STARD9: variants seen among roughly 807,000 people sequenced by gnomAD.
STARD9 encodes stAR-related lipid transfer protein 9.
Under a neutral mutation model 399.8 loss-of-function variants are expected in STARD9, and 346 were observed. That is an observed-to-expected ratio of 0.87 (90% CI 0.79 to 0.95). The LOEUF (loss-of-function observed/expected upper bound fraction) is 0.95, where lower values mean the gene tolerates loss of function less well. STARD9 is among the 40% of genes least tolerant of loss of function. The pLI, the probability that STARD9 is intolerant of heterozygous loss-of-function variation, is 0.00. For synonymous variants in STARD9, 2,203 were observed against 2,143.5 expected, an observed-to-expected ratio of 1.03 and a Z score of -0.77; for missense variants, 5,832 against 5,667.5, an observed-to-expected ratio of 1.03 and a Z score of -0.93.
rs1042208768 is a variant in STARD9 at position 42,676,061 on chromosome 15, G to A, written c.1874+86G>A. 2.2e-5 allele frequency: 19 copies of A among 883,408 alleles called. No homozygotes were observed. In the African/African-American group the frequency reaches 2.9e-4, roughly 13 times the overall value. 54.7% of individuals were successfully genotyped at this position (883,408 alleles called of 1,614,324 possible). ...AGCATGGATCAGGGTGGGGGTGGGGGGTGATTAATGTAGCAGCCAAGGTCT... is the reference window on the plus strand; with the variant it reads ...AGCATGGATCAGGGTGGGGGTGGGGAGTGATTAATGTAGCAGCCAAGGTCT... On this transcript the variant is annotated intron_variant, in intron 20 of 32. Coordinates refer to ENST00000290607, the MANE Select transcript of STARD9 (RefSeq NM_020759.3).
Position 42,693,750 on chromosome 15 carries a change from A to T in STARD9, c.12172A>T (p.Asn4058Tyr). 1 of 1,536,672 alleles carries T rather than the reference A, an allele frequency of 6.5e-7. No individual in the cohort carries two copies. Among genetic ancestry groups the T allele is most frequent in the Non-Finnish European group, 8.7e-7 (1 of 1,146,840 alleles). ...AAGTCAGTGGCAGAGCAGGACAGAA[A>T]ATGGAGGTGAGAGTTCAGCATCTCC... The part of the protein sequence containing the change: ...EPSQWQSRTE[N>Y]GGESSASPGE... Residue 4058 changes from asparagine (N) to tyrosine (Y), a missense_variant, in exon 23 of 33, where the codon AAT (asparagine) becomes TAT (tyrosine). This residue lies in a region of STARD9 where 5,828 missense variants were observed against 5,651.1 expected (regional missense o/e 1.03). Coordinates refer to ENST00000290607, the MANE Select transcript of STARD9 (RefSeq NM_020759.3).
chr15:42,588,841 C>T (rs12903416), intron 3 of STARD9, among the ~76,000 whole-genome samples: 72,490 of 120,580 alleles, frequency 0.6, 23,398 homozygotes, highest in East Asian at 0.76. Flanking sequence ...GGTGTGTGGA[C>T]AGAGTCTTAG....
chr15:42,679,733 A>C (rs546587046), intron 20 of STARD9, among the ~76,000 whole-genome samples: 4 of 152,320 alleles, frequency 2.6e-5, no homozygotes, highest in South Asian at 4.1e-4. Flanking sequence ...AGGGTGGTGC[A>C]AAAGCAGCCC....
rs1310564604 is a variant in STARD9, at chr15:42,685,274, A to G, written c.3696A>G (p.Thr1232=). The G allele has an allele frequency of 2.0e-6, 3 of 1,537,624 alleles. No homozygotes were observed. Among genetic ancestry groups the G allele is most frequent in the East Asian group, 2.4e-5 (1 of 40,926 alleles). Residue 1232 remains threonine (T), a synonymous_variant, in exon 23 of 33, where the codon ACA becomes ACG. Coordinates refer to ENST00000290607, the MANE Select transcript of STARD9 (RefSeq NM_020759.3). ...CTGGTTCAGCTGACGAGATACCCAC[A>G]GAGACTTTTTGGCACCTGGAGGACT... ...PFPGSADEIP[T]ETFWHLEDSS...
At chr15:42,579,643 C>A (rs1328936709) in intron 1 of STARD9, among the ~76,000 whole-genome samples, 1 of 152,084 alleles carries the variant, frequency 6.6e-6, no homozygotes, top group Non-Finnish European at 1.5e-5. Context: ...GGCAAGAAAA[C>A]TGGAAGAACA....
At chr15:42,649,862 CTTTTTTTT>C (rs765573235) in intron 7 of STARD9, among the ~76,000 whole-genome samples, 3 of 107,228 alleles carry the variant, frequency 2.8e-5, no homozygotes, top group Admixed American at 9.6e-5. Flanking sequence ...CGAGCCTGGC[CTTTTTTTT>C]TTTTTTTTTT....
At position 42,691,381 on chromosome 15, in the gene STARD9, A is replaced by G; in HGVS notation, c.9803A>G (p.Lys3268Arg). ...TCCAAGATTTTATCACAGGGCTTCA[A>G]AGACCCAGCCACTGTGTCCTTGAGG... ...PVSKILSQGF[K>R]DPATVSLRQN... is the part of the protein sequence containing the mutation. Residue 3268 changes from lysine to arginine, a missense_variant, in exon 23 of 33, where the codon AAA becomes AGA. Physicochemically the swap from Lys to Arg is conservative, Grantham distance 26. Transcript: ENST00000290607. 1 of 1,537,216 alleles carries G rather than the reference A, an allele frequency of 6.5e-7. No individual in the cohort carries two copies. Among genetic ancestry groups the G allele is most frequent in the African/African-American group, 1.4e-5 (1 of 73,144 alleles).
chr15:42,664,677 G>GT (rs917659078), intron 13 of STARD9, among the ~76,000 whole-genome samples: 16 of 152,064 alleles, frequency 1.1e-4, no homozygotes, highest in Non-Finnish European at 2.2e-4. Context: ...TTATGCCTGT[G>GT]TTTTTTTATG....
chr15:42,689,279 C>T lies in STARD9; in HGVS notation c.7701C>T (p.Asp2567=). 1 of 1,537,282 alleles carries T rather than the reference C, an allele frequency of 6.5e-7. No individual in the cohort carries two copies. The highest frequency in any genetic ancestry group is 8.7e-7 in the Non-Finnish European group (1 of 1,146,920). ...AGGCCCAGAGAAAGCAGCTTCATGA[C>T]TTTGTGGCCAGGGGCACAGTCCTTT... ...QAKAQRKQLH[D]FVARGTVLSY... The change falls in exon 23 of 33, where the codon GAC becomes GAT. Residue 2567 remains aspartate (D), a synonymous_variant. Transcript: ENST00000290607.
At chr15:42,674,514 C>G in intron 17 of STARD9, 23 bp downstream of exon 17, 2 of 1,534,490 alleles carry the variant, frequency 1.3e-6, no homozygotes, top group Non-Finnish European at 1.7e-6. Flanking sequence ...GTATATGAGT[C>G]CAGCATTTTG....
At chr15:42,620,026 T>C (rs1464662124) in intron 3 of STARD9, among the ~76,000 whole-genome samples, 1 of 152,190 alleles carries the variant, frequency 6.6e-6, no homozygotes, top group Non-Finnish European at 1.5e-5. Context: ...TAAGCTGGTT[T>C]CTCTTCATGA....
intron 8 of STARD9, 28 bp from the exon 9 acceptor site, chr15:42,652,492 T>C: frequency 6.5e-7 from 1 of 1,529,494 alleles, no homozygotes; most frequent in Non-Finnish European, 8.8e-7. Flanking sequence ...ACAATCCTCG[T>C]CCTAACAGTT....
intron 26 of STARD9, among the ~76,000 whole-genome samples, chr15:42,710,154 G>A (rs1230102193): frequency 1.3e-5 from 2 of 148,496 alleles, no homozygotes; most frequent in East Asian, 4.0e-4. Context: ...CGACCTCCCT[G>A]GGCGCCGGTG....
At chr15:42,669,101 G>A in intron 15 of STARD9, 57 bp from the exon 16 acceptor site, 4 of 1,404,800 alleles carry the variant, frequency 2.8e-6, no homozygotes, top group Non-Finnish European at 3.8e-6. Context: ...AATGACTTCT[G>A]ACCTTTAGTC....
intron 3 of STARD9, among the ~76,000 whole-genome samples, chr15:42,600,530 T>C (rs9652418): frequency 0.013 from 1,976 of 146,380 alleles, 48 homozygotes; most frequent in African/African-American, 0.046. Flanking sequence ...TTCTTTCTTT[T>C]TTTTTTTTTT....
intron 8 of STARD9, 38 bp downstream of exon 8, chr15:42,651,123 C>T: frequency 6.5e-6 from 9 of 1,392,428 alleles, no homozygotes; most frequent in Non-Finnish European, 8.8e-6. Context: ...CTTTTATCCT[C>T]ACACTCCTAT....
chr15:42,637,275 C>G (rs1252045930), intron 4 of STARD9, among the ~76,000 whole-genome samples: 1 of 152,050 alleles, frequency 6.6e-6, no homozygotes, highest in Non-Finnish European at 1.5e-5. Flanking sequence ...TGCAGTGGCA[C>G]GATCTCAGCT....
At chr15:42,663,721 C>G in intron 12 of STARD9, 99 bp from the exon 13 acceptor site, 1 of 971,236 alleles carries the variant, frequency 1.0e-6, no homozygotes, top group Non-Finnish European at 1.6e-6. Flanking sequence ...CTCATTTCAT[C>G]AGGGGTCTTA....
rs1244639562 is a variant in STARD9, at chr15:42,691,647, A to G, written c.10069A>G (p.Arg3357Gly). ...AGACGAAGATACACAGGGGCCTAAC[A>G]GATTGTGGAACCCACATCTCAGGGG... ...PTDEDTQGPNRLWNPHLRGYS... is the reference protein window; with the variant it reads ...PTDEDTQGPNGLWNPHLRGYS... Residue 3357 changes from arginine (R) to glycine (G), a missense_variant, in exon 23 of 33, where the codon AGA (arginine) becomes GGA (glycine). Physicochemically the swap from Arg to Gly is moderately radical, Grantham distance 125 (BLOSUM62 -2). Coordinates refer to ENST00000290607, the MANE Select transcript of STARD9 (RefSeq NM_020759.3). The G allele has an allele frequency of 2.6e-6, 4 of 1,537,190 alleles. No individual in the cohort carries two copies. In the African/African-American group the frequency reaches 5.5e-5, roughly 21 times the overall value.
Sources: gnomAD v4.1 joint callset for allele counts (sites outside exome capture counted in the v4.1 genomes callset) on GRCh38, gnomAD v4.1.1 for gene constraint, gnomAD v4.1.1 regional missense constraint, MANE v1.5 for transcripts, NCBI Gene and HGNC (gene_info 2026-07-23, HGNC 2026-07-21) for gene names.